Variants in PAK3 observed in about 807,000 individuals in gnomAD.
The protein encoded by PAK3 is serine/threonine-protein kinase PAK 3.
A neutral mutation model predicts 41.0 loss-of-function variants in PAK3; 4 were observed. The ratio of observed to expected loss-of-function variants is 0.10; its 90% CI spans 0.05 to 0.22. PAK3 has a LOEUF of 0.22. Ranked by LOEUF, PAK3 falls within the 10% of genes least tolerant of loss-of-function variation. The pLI is 1.00. For synonymous variants in PAK3, 146 were observed against 139.6 expected, an observed-to-expected ratio of 1.05 and a Z score of -0.32; for missense variants, 205 against 409.9, an observed-to-expected ratio of 0.50 and a Z score of 4.32.
At chrX:111,095,207 G>C (rs1318717687), upstream of PAK3, among the ~76,000 whole-genome samples, 1 of 111,940 alleles carries the variant, frequency 8.9e-6, no homozygotes, top group Non-Finnish European at 1.9e-5. Context: ...AAATAAATTT[G>C]AAAGTAGAAA....
chrX:111,196,000 A>G (rs2094609810), intron 15 of PAK3, 59 bp downstream of exon 15: 1 of 676,431 alleles, frequency 1.5e-6, no homozygotes, highest in Non-Finnish European at 2.5e-6. Context: ...CTTTCATTGT[A>G]TATCTTAAGA....
At chrX:111,011,947 G>A (rs1208297762) in intron 1 of PAK3, among the ~76,000 whole-genome samples, 3 of 111,963 alleles carry the variant, frequency 2.7e-5, no homozygotes. Flanking sequence ...TGAACAATAT[G>A]AATATGCCAG....
In PAK3 at chrX:110,950,840, A is replaced by G. The variant is rs186154333; in HGVS notation, c.-28+6212A>G. Among the ~76,000 whole-genome samples, 915 of 111,191 alleles carry G rather than the reference A, an allele frequency of 8.2e-3. 3 individuals carry two copies. Among genetic ancestry groups the G allele is most frequent in the Non-Finnish European group, 0.013 (667 of 53,032 alleles). On this transcript the variant is annotated intron_variant, in intron 1 of 14. Transcript: ENST00000425146. ...TAAAGTAGTAAAGTTGCTGGTTTGG[A>G]GTTTGATTTGCACATCTTTGATTTT...
chrX:111,217,300 A>G (rs1569474165), intron 17 of PAK3, among the ~76,000 whole-genome samples: 1 of 111,888 alleles, frequency 8.9e-6, no homozygotes, highest in Non-Finnish European at 1.9e-5. Flanking sequence ...ATATGTCTGT[A>G]TTTGATAAAG....
intron 1 of PAK3, among the ~76,000 whole-genome samples, chrX:110,945,729 G>GT (rs1329273296): frequency 2.2e-3 from 240 of 108,218 alleles, no homozygotes; most frequent in Middle Eastern, 9.7e-3. Flanking sequence ...TGATATAGAG[G>GT]TTTTTTTTTT....
intron 1 of PAK3, among the ~76,000 whole-genome samples, chrX:110,958,747 C>T (rs1201314425): frequency 2.7e-5 from 3 of 111,253 alleles, no homozygotes; most frequent in African/African-American, 9.8e-5. Context: ...AACATGAATG[C>T]ATTTGTTCTC....
chrX:111,036,944 T>C (rs192428194), intron 1 of PAK3, among the ~76,000 whole-genome samples: 7 of 111,690 alleles, frequency 6.3e-5, no homozygotes, highest in Middle Eastern at 4.7e-3. Context: ...TCTTAGGTTT[T>C]GTTTGTTTGT....
intron 1 of PAK3, among the ~76,000 whole-genome samples, chrX:111,083,084 A>G (rs2092848513): frequency 8.9e-6 from 1 of 112,684 alleles, no homozygotes; most frequent in Admixed American, 9.4e-5. Context: ...GAACACTAAT[A>G]ATTTGCTTAG....
chrX:110,980,023 C>T (rs2091422491), intron 1 of PAK3, among the ~76,000 whole-genome samples: 1 of 112,043 alleles, frequency 8.9e-6, no homozygotes, highest in Non-Finnish European at 1.9e-5. Context: ...CTAACAGTCA[C>T]ATTCTGCTCC....
At chrX:110,949,528 A>G (rs2090696912) in intron 1 of PAK3, among the ~76,000 whole-genome samples, 1 of 111,477 alleles carries the variant, frequency 9.0e-6, no homozygotes, top group Non-Finnish European at 1.9e-5. Context: ...ATTTCAAAGC[A>G]TTGTAGGTCG....
chrX:111,142,102 A>C lies in PAK3; in HGVS notation c.182A>C (p.Lys61Thr), dbSNP rs1481398266. Residue 61 changes from lysine to threonine, a missense_variant, in exon 6 of 18, where the codon AAG becomes ACG. Physicochemically the swap from Lys to Thr is moderately conservative, Grantham distance 78 (BLOSUM62 -1). Around this residue, in one of 5 missense-constraint regions of PAK3, gnomAD observed 22 missense variants for 83.5 expected, o/e 0.26. Coordinates refer to ENST00000372007, the MANE Select transcript of PAK3 (RefSeq NM_002578.5). ...IFPGGGDKTNKKKEKERPEIS... is the reference protein window; with the variant it reads ...IFPGGGDKTNTKKEKERPEIS... ...GTTAACATTTTGCCTTTAGCCAATA[A>C]GAAGAAGGAGAAAGAGCGCCCAGAG... 1 of 1,171,873 alleles carries C rather than the reference A, an allele frequency of 8.5e-7. No individual in the cohort carries two copies. Among genetic ancestry groups the C allele is most frequent in the Admixed American group, 2.2e-5 (1 of 45,707 alleles).
intron 3 of PAK3, among the ~76,000 whole-genome samples, chrX:111,101,940 G>A (rs190683330): frequency 6.2e-4 from 69 of 111,955 alleles, no homozygotes; most frequent in African/African-American, 2.1e-3. Context: ...AGATCATGGG[G>A]CTTTTCTTGG....
intron 16 of PAK3, among the ~76,000 whole-genome samples, chrX:111,196,850 CTTTCTT>C (rs1484912455): frequency 3.8e-5 from 3 of 79,749 alleles, no homozygotes; most frequent in African/African-American, 2.5e-4. Flanking sequence ...TTCTTTCTTT[CTTTCTT>C]TTTTTTTTTT....
At chrX:111,117,152 T>C (rs776577987) in intron 4 of PAK3, among the ~76,000 whole-genome samples, 173 of 112,149 alleles carry the variant, frequency 1.5e-3, no homozygotes, top group African/African-American at 5.3e-3. Context: ...TAGCCTTGTG[T>C]CTTTAAATGG....
intron 16 of PAK3, among the ~76,000 whole-genome samples, chrX:111,201,799 C>T (rs1336731968): frequency 9.1e-6 from 1 of 110,449 alleles, no homozygotes; most frequent in Non-Finnish European, 1.9e-5. Context: ...AATCACCTAG[C>T]ACAGTGTCCA....
At chrX:111,146,678 T>G in intron 6 of PAK3, 1 of 425,758 alleles carries the variant, frequency 2.3e-6, no homozygotes. Context: ...CTTATCTCAC[T>G]TTTTTTGTTG....
intron 1 of PAK3, among the ~76,000 whole-genome samples, chrX:111,088,387 G>A (rs148622144): frequency 4.5e-5 from 5 of 111,859 alleles, no homozygotes; most frequent in African/African-American, 1.6e-4. Context: ...GAGACTGCAT[G>A]CTGGACGTCT....
At chrX:110,946,342 T>G (rs781189566) in intron 1 of PAK3, among the ~76,000 whole-genome samples, 1 of 37,910 alleles carries the variant, frequency 2.6e-5, no homozygotes, top group Admixed American at 3.9e-4. Context: ...TGGTTTGGAG[T>G]GATGACTGGT....
intron 1 of PAK3, among the ~76,000 whole-genome samples, chrX:110,984,598 A>ATGTTG (rs2091507683): frequency 8.9e-6 from 1 of 111,928 alleles, no homozygotes; most frequent in South Asian, 3.8e-4. Context: ...GGGTGCTCAC[A>ATGTTG]ACACAGGCTG....
Sources: allele counts gnomAD v4.1 joint callset (sites outside exome capture counted in the v4.1 genomes callset), GRCh38; gene constraint gnomAD v4.1.1; regional missense constraint gnomAD v4.1.1; transcripts MANE v1.5; gene names NCBI Gene and HGNC (gene_info 2026-07-23, HGNC 2026-07-21).